The following CCDC178 variants were observed in gnomAD, a reference collection of about 807,000 sequenced individuals.
CCDC178 encodes the protein coiled-coil domain containing 178.
A neutral mutation model predicts 117.4 loss-of-function variants in CCDC178; 126 were observed. That is an observed-to-expected ratio of 1.07 (90% CI 0.93 to 1.24). The LOEUF (loss-of-function observed/expected upper bound fraction) is 1.24, where lower values mean the gene tolerates loss of function less well. Ranked by LOEUF, CCDC178 falls within the 50% of genes most tolerant of loss-of-function variation. The probability of loss-of-function intolerance (pLI) is 0.00; values close to 1 mark genes in which losing one functional copy is unlikely to be tolerated. For synonymous variants in CCDC178, 283 were observed against 313.4 expected (o/e 0.90, Z 1.02); for missense variants, 1,030 against 986.9 (o/e 1.04, Z -0.59).
At chr18:33,015,393 G>A (rs1210099043) in intron 21 of CCDC178, among the ~76,000 whole-genome samples, 1 of 151,832 alleles carries the variant, frequency 6.6e-6, no homozygotes, top group African/African-American at 2.4e-5. Flanking sequence ...GTGAAACCCC[G>A]TCTCTATTAA....
chr18:33,375,995 G>A (rs920896289), intron 5 of CCDC178, among the ~76,000 whole-genome samples: 4 of 152,170 alleles, frequency 2.6e-5, no homozygotes, highest in African/African-American at 9.7e-5. Context: ...AAGAAGAAAA[G>A]TACAACTTGG....
intron 20 of CCDC178, among the ~76,000 whole-genome samples, chr18:33,102,364 A>G (rs1370087435): frequency 6.6e-6 from 1 of 150,976 alleles, no homozygotes; most frequent in African/African-American, 2.4e-5. Flanking sequence ...TGAATACCCT[A>G]TAGAATTACA....
At chr18:33,322,164 A>G (rs1446303601) in intron 11 of CCDC178, among the ~76,000 whole-genome samples, 10 of 151,948 alleles carry the variant, frequency 6.6e-5, no homozygotes, top group Admixed American at 6.6e-4. Context: ...AGACAGATGT[A>G]TCACCATAGT....
intron 2 of CCDC178, among the ~76,000 whole-genome samples, chr18:33,432,143 A>G (rs1436709986): frequency 6.6e-6 from 1 of 152,180 alleles, no homozygotes; most frequent in Non-Finnish European, 1.5e-5. Flanking sequence ...TGGTACTCTC[A>G]ATGGAAGAGA....
intron 2 of CCDC178, among the ~76,000 whole-genome samples, chr18:33,426,955 T>A (rs1230475195): frequency 2.0e-5 from 3 of 152,284 alleles, no homozygotes; most frequent in Middle Eastern, 3.4e-3. Context: ...AACATTTACA[T>A]GTATTTTAAA....
intron 3 of CCDC178, among the ~76,000 whole-genome samples, chr18:33,398,720 A>G (rs1005278179): frequency 1.3e-5 from 2 of 152,180 alleles, no homozygotes; most frequent in African/African-American, 4.8e-5. Flanking sequence ...CCAAGAATAC[A>G]AGCATACCTC....
At chr18:33,116,285 G>A (rs187431733) in intron 20 of CCDC178, among the ~76,000 whole-genome samples, 1 of 152,248 alleles carries the variant, frequency 6.6e-6, no homozygotes, top group African/African-American at 2.4e-5. Context: ...ATATGCTTTG[G>A]AAGGAAAACC....
At chr18:33,406,609 T>C (rs1231984692) in intron 3 of CCDC178, among the ~76,000 whole-genome samples, 1 of 152,022 alleles carries the variant, frequency 6.6e-6, no homozygotes. Context: ...TAAAAACATA[T>C]AGTAGATCTC....
intron 21 of CCDC178, among the ~76,000 whole-genome samples, chr18:33,074,558 A>G (rs1302344727): frequency 6.6e-6 from 1 of 152,228 alleles, no homozygotes; most frequent in Non-Finnish European, 1.5e-5. Context: ...GCCCTGGGGA[A>G]TTCCAACATT....
chr18:33,293,300 A>C lies in CCDC178; in HGVS notation c.1035T>G (p.Tyr345Ter). ...AATGATCAAATAGACTGTTAAGTTGATATATCTCTCTCCTAGGGATAAAAA... is the reference window on the plus strand; with the variant it reads ...AATGATCAAATAGACTGTTAAGTTGCTATATCTCTCTCCTAGGGATAAAAA... ...KTIEAYKREI[Y>*]QLNSLFDHYS... Residue 345 changes from tyrosine to a stop codon, truncating the protein, a stop_gained, in exon 12 of 23, where the codon TAT becomes TAG. Coordinates refer to ENST00000383096, the MANE Select transcript of CCDC178 (RefSeq NM_001105528.4). LOFTEE classifies it high-confidence loss of function. 1 of 1,502,186 alleles carries C rather than the reference A, an allele frequency of 6.7e-7. No homozygotes were observed. Among genetic ancestry groups the C allele is most frequent in the East Asian group, 2.3e-5 (1 of 43,630 alleles). 93.1% of individuals were successfully genotyped at this position (1,502,186 alleles called of 1,614,324 possible). A position where few individuals can be genotyped will look rare whatever the true frequency, so the allele number is the denominator to read the frequency against.
At chr18:33,336,191 C>T (rs1371352875) in intron 9 of CCDC178, among the ~76,000 whole-genome samples, 1 of 152,052 alleles carries the variant, frequency 6.6e-6, no homozygotes, top group Non-Finnish European at 1.5e-5. Flanking sequence ...TCAATCTGAG[C>T]CACAGGTTGA....
At chr18:33,061,876 G>C (rs2056927465) in intron 21 of CCDC178, among the ~76,000 whole-genome samples, 1 of 152,036 alleles carries the variant, frequency 6.6e-6, no homozygotes, top group South Asian at 2.1e-4. Flanking sequence ...GAAAATCTCT[G>C]ATTCAAATCA....
chr18:33,227,563 TATATATATATATATATAC>T (rs1308173082), intron 15 of CCDC178, among the ~76,000 whole-genome samples: 2 of 136,290 alleles, frequency 1.5e-5, no homozygotes, highest in East Asian at 2.3e-4. Flanking sequence ...TGTGTATATA[TATATATATATATATATAC>T]ACACACACAC....
At chr18:33,031,381 G>C (rs2056339278) in intron 21 of CCDC178, among the ~76,000 whole-genome samples, 1 of 151,798 alleles carries the variant, frequency 6.6e-6, no homozygotes, top group African/African-American at 2.4e-5. Flanking sequence ...TGAGTAGCTA[G>C]GAATACAGGT....
intron 21 of CCDC178, among the ~76,000 whole-genome samples, chr18:33,029,446 G>A (rs558090122): frequency 6.6e-6 from 1 of 151,702 alleles, no homozygotes; most frequent in South Asian, 2.1e-4. Context: ...TGGTCTCTTC[G>A]AAGAATCAGT....
chr18:33,000,192 A>T (rs2055602252), intron 21 of CCDC178, among the ~76,000 whole-genome samples: 1 of 152,048 alleles, frequency 6.6e-6, no homozygotes, highest in Non-Finnish European at 1.5e-5. Flanking sequence ...TGAAAATTGC[A>T]ACTGATATAC....
intron 5 of CCDC178, among the ~76,000 whole-genome samples, chr18:33,386,876 G>A (rs762703051): frequency 1.2e-4 from 19 of 152,162 alleles, no homozygotes; most frequent in African/African-American, 2.6e-4. Flanking sequence ...GGGCAATCAC[G>A]TAAGGGAAAA....
At chr18:33,297,837 G>A (rs531639143) in intron 11 of CCDC178, among the ~76,000 whole-genome samples, 1 of 152,070 alleles carries the variant, frequency 6.6e-6, no homozygotes, top group East Asian at 1.9e-4. Flanking sequence ...GTCAGGAGAT[G>A]GAGACCATCC....
intron 22 of CCDC178, among the ~76,000 whole-genome samples, chr18:32,957,507 A>C (rs1056985464): frequency 2.0e-5 from 3 of 152,152 alleles, no homozygotes; most frequent in African/African-American, 7.2e-5. Context: ...GGGGCAAACG[A>C]TGAGAAATTT....
Sources: gnomAD v4.1 joint callset for allele counts (sites outside exome capture counted in the v4.1 genomes callset) on GRCh38, gnomAD v4.1.1 for gene constraint, MANE v1.5 for transcripts, NCBI Gene and HGNC (gene_info 2026-07-23, HGNC 2026-07-21) for gene names.